The following MINDY4B variants were observed in gnomAD, a reference collection of about 807,000 sequenced individuals.
MINDY4B encodes the protein inactive ubiquitin carboxyl-terminal hydrolase MINDY-4B.
Under a neutral mutation model 16.7 loss-of-function variants are expected in MINDY4B, and 25 were observed. That is an observed-to-expected ratio of 1.49 (90% CI 1.09 to 2.09). The LOEUF is 2.09. Among genes scored for constraint, MINDY4B ranks in the 30% most tolerant of loss-of-function variants. The pLI is 0.00. For synonymous variants in MINDY4B, 132 were observed against 61.9 expected, an observed-to-expected ratio of 2.13 and a Z score of -5.32; for missense variants, 327 against 168.4, an observed-to-expected ratio of 1.94 and a Z score of -5.21.
At chr3:150,881,731 C>A (rs1197706402) in intron 10 of MINDY4B, among the ~76,000 whole-genome samples, 1 of 151,488 alleles carries the variant, frequency 6.6e-6, no homozygotes, top group Non-Finnish European at 1.5e-5. Context: ...TTACTTTTAC[C>A]TTGTCTATCA....
At chr3:150,879,842 A>C (rs1055599926) in intron 10 of MINDY4B, among the ~76,000 whole-genome samples, 1 of 152,188 alleles carries the variant, frequency 6.6e-6, no homozygotes, top group Non-Finnish European at 1.5e-5. Context: ...GCTCTCTAGC[A>C]TTTATTGCCT....
intron 8 of MINDY4B, among the ~76,000 whole-genome samples, chr3:150,884,687 G>A (rs956834984): frequency 1.1e-4 from 17 of 152,086 alleles, no homozygotes; most frequent in Admixed American, 5.9e-4. Context: ...GACCACTGCC[G>A]CAGGGTTGTA....
At chr3:150,889,283 C>A (rs1711706322) in intron 7 of MINDY4B, among the ~76,000 whole-genome samples, 1 of 152,222 alleles carries the variant, frequency 6.6e-6, no homozygotes, top group Non-Finnish European at 1.5e-5. Context: ...TAGTCCTTAC[C>A]AGTTTCTAAA....
At chr3:150,880,141 C>T (rs924459731) in intron 10 of MINDY4B, among the ~76,000 whole-genome samples, 3 of 152,262 alleles carry the variant, frequency 2.0e-5, no homozygotes, top group Non-Finnish European at 4.4e-5. Context: ...AATGAATGCA[C>T]CTGTGTTGTA....
intron 2 of MINDY4B, among the ~76,000 whole-genome samples, chr3:150,904,706 A>G (rs1024539154): frequency 2.0e-5 from 3 of 152,262 alleles, no homozygotes; most frequent in Non-Finnish European, 4.4e-5. Context: ...AATAAAGACG[A>G]TAACTATTTT....
chr3:150,890,449 A>G, intron 6 of MINDY4B, 64 bp from the exon 7 acceptor site: 1 of 558,108 alleles, frequency 1.8e-6, no homozygotes, highest in East Asian at 3.0e-5. Context: ...AAGAGATGTC[A>G]ACTCACTGTT....
chr3:150,892,206 C>A (rs1265436960), intron 5 of MINDY4B, among the ~76,000 whole-genome samples: 1 of 152,214 alleles, frequency 6.6e-6, no homozygotes, highest in Non-Finnish European at 1.5e-5. Flanking sequence ...GGTACAGAAG[C>A]CCTGCTCCCT....
rs1711865097 is a variant in MINDY4B, at chr3:150,893,311, A to G, written c.521+13T>C. ...GAAATGGGTAATTCAAGTACTTCTC[A>G]CAGTCCTCTTACTTGCCAAGGTTAC... On this transcript the variant is annotated intron_variant, in intron 5 of 11. Transcript: ENST00000465419. The G allele has an allele frequency of 1.4e-6, 1 of 702,606 alleles. No homozygotes were observed. The highest frequency in any genetic ancestry group is 1.5e-5 in the South Asian group (1 of 67,590). 43.5% of individuals were successfully genotyped at this position (702,606 alleles called of 1,614,324 possible).
intron 7 of MINDY4B, among the ~76,000 whole-genome samples, chr3:150,886,676 G>A (rs1458990543): frequency 1.3e-5 from 2 of 152,098 alleles, no homozygotes; most frequent in African/African-American, 4.8e-5. Flanking sequence ...TCCTTTTCCA[G>A]CTTCTAGAAG....
At chr3:150,893,075 A>G (rs1711857443) in intron 5 of MINDY4B, among the ~76,000 whole-genome samples, 1 of 152,124 alleles carries the variant, frequency 6.6e-6, no homozygotes, top group South Asian at 2.1e-4. Flanking sequence ...GCTTAATTCT[A>G]CCTGACAGAG....
chr3:150,887,162 C>T (rs1368647655), intron 7 of MINDY4B, among the ~76,000 whole-genome samples: 1 of 152,124 alleles, frequency 6.6e-6, no homozygotes, highest in African/African-American at 2.4e-5. Context: ...ACAGGCATTG[C>T]AGTACCACAA....
intron 4 of MINDY4B, 65 bp from the exon 5 acceptor site, chr3:150,893,480 C>T (rs752670124): frequency 4.6e-5 from 32 of 701,126 alleles, no homozygotes; most frequent in Non-Finnish European, 6.5e-5. Context: ...CTATTCTTCT[C>T]TGCAGGCTTT....
intron 5 of MINDY4B, 34 bp from the exon 6 acceptor site, chr3:150,891,137 G>C (rs778752569): frequency 5.8e-6 from 4 of 685,034 alleles, no homozygotes; most frequent in South Asian, 4.5e-5. Flanking sequence ...GGAAACCATT[G>C]GAATGAACAT....
At position 150,870,928 on chromosome 3, in the gene MINDY4B, A is replaced by T. The variant is rs3732752; in HGVS notation, c.*117T>A. ...AAAACTGCTAATGGTATATATATAT[A>T]TTTTTTGGTGGGGCTTGTGAATGAG... On this transcript the variant is annotated 3_prime_UTR_variant, in exon 12 of 12. Transcript: ENST00000465419. The T allele has an allele frequency of 0.13, 80,152 of 602,308 alleles. 7,052 individuals carry two copies. Among genetic ancestry groups the T allele is most frequent in the East Asian group, 0.4 (14,514 of 35,870 alleles). 37.3% of individuals were successfully genotyped at this position (602,308 alleles called of 1,614,324 possible).
chr3:150,878,182 A>G (rs1711499640), intron 10 of MINDY4B, among the ~76,000 whole-genome samples: 1 of 152,258 alleles, frequency 6.6e-6, no homozygotes, highest in Non-Finnish European at 1.5e-5. Flanking sequence ...TGCTATATGC[A>G]CAAGGTTATT....
chr3:150,888,088 C>T (rs906774557), intron 7 of MINDY4B, among the ~76,000 whole-genome samples: 6 of 152,042 alleles, frequency 3.9e-5, no homozygotes, highest in African/African-American at 9.6e-5. Context: ...GCCCGGGAGC[C>T]GGAGCAAGAT....
intron 5 of MINDY4B, among the ~76,000 whole-genome samples, chr3:150,892,445 A>G (rs909023638): frequency 2.0e-5 from 3 of 152,212 alleles, no homozygotes; most frequent in Admixed American, 1.3e-4. Flanking sequence ...ACAATCTTAG[A>G]ATATATTATA....
chr3:150,899,657 G>T (rs1490437362), intron 3 of MINDY4B, among the ~76,000 whole-genome samples: 1 of 152,290 alleles, frequency 6.6e-6, no homozygotes, highest in Non-Finnish European at 1.5e-5. Context: ...TGCTGATGGA[G>T]GTCAGTCTTG....
chr3:150,885,254 G>GA, intron 8 of MINDY4B, 114 bp downstream of exon 8: 6 of 628,256 alleles, frequency 9.6e-6, no homozygotes, highest in Admixed American at 7.7e-5. Context: ...GAATCTACTA[G>GA]AAAAAAACAT....
Sources: allele counts gnomAD v4.1 joint callset (sites outside exome capture counted in the v4.1 genomes callset), GRCh38; gene constraint gnomAD v4.1.1; transcripts MANE v1.5; gene names NCBI Gene and HGNC (gene_info 2026-07-23, HGNC 2026-07-21).